OR5AU1: variants seen among roughly 807,000 people sequenced by gnomAD.
OR5AU1 encodes the protein olfactory receptor family 5 subfamily AU member 1.
For missense variants in OR5AU1, 415 were observed against 374.2 expected (o/e 1.11, Z -0.90); for synonymous variants, 169 against 152.0 (o/e 1.11, Z -0.82).
Position 21,156,006 on chromosome 14 carries a change from T to A in OR5AU1, c.-134A>T, listed in dbSNP as rs542965276. 8.7e-6 allele frequency: 14 copies of A among 1,613,688 alleles called. No individual in the cohort carries two copies. In the South Asian group the frequency reaches 1.3e-4, roughly 15 times the overall value. On this transcript the variant is annotated 5_prime_UTR_variant, in exon 1 of 1. Coordinates refer to ENST00000304418, the MANE Select transcript of OR5AU1 (RefSeq NM_001004731.3). The stretch of plus-strand genomic sequence containing the variant: ...GAGTCTTATTGAGGGCATTTGGCTT[T>A]GCAGATGAAACTCTGTCATAGAGAG...
At position 21,155,627 on chromosome 14, in the gene OR5AU1, C is replaced by T; in HGVS notation, c.246G>A (p.Leu82=). Residue 82 remains leucine (L), a synonymous_variant, in exon 1 of 1, where the codon CTG becomes CTA. Coordinates refer to ENST00000304418, the MANE Select transcript of OR5AU1 (RefSeq NM_001004731.3). ...CYSSTVVPQT[L]VNFLAKRKVI... ...CTTTCCTCTTGGCCAAGAAGTTCAC[C>T]AGGGTCTGGGGCACAACCGTGGAGG... The T allele has an allele frequency of 6.2e-6, 10 of 1,614,166 alleles. No homozygotes were observed. Among genetic ancestry groups the T allele is most frequent in the Non-Finnish European group, 8.5e-6 (10 of 1,180,030 alleles).
rs1304022269 is a variant in OR5AU1, at chr14:21,155,442, A to G, written c.431T>C (p.Leu144Pro). ...TCCTGCACTGTAGGAGCCCACAATC[A>G]GCGAGGCACAGACCTCAGGAGACAT... ...TIMSPEVCAS[L>P]IVGSYSAGFL... is the part of the protein sequence containing the mutation. The change falls in exon 1 of 1, where the codon CTG (leucine) becomes CCG (proline). Residue 144 changes from leucine (L) to proline (P), a missense_variant. By Grantham distance (98) the Leu-to-Pro change is moderately conservative. Coordinates refer to ENST00000304418, the MANE Select transcript of OR5AU1 (RefSeq NM_001004731.3). 1 of 1,614,174 alleles carries G rather than the reference A, an allele frequency of 6.2e-7. No homozygotes were observed. Among genetic ancestry groups the G allele is most frequent in the South Asian group, 1.1e-5 (1 of 91,080 alleles).
At position 21,155,304 on chromosome 14, in the gene OR5AU1, A is replaced by G; in HGVS notation, c.569T>C (p.Val190Ala). 1 of 1,614,106 alleles carries G rather than the reference A, an allele frequency of 6.2e-7. No homozygotes were observed. Residue 190 changes from valine (V) to alanine (A), a missense_variant, in exon 1 of 1, where the codon GTA becomes GCA. Physicochemically the swap from Val to Ala is moderately conservative, Grantham distance 64 (BLOSUM62 0). Coordinates refer to ENST00000304418, the MANE Select transcript of OR5AU1 (RefSeq NM_001004731.3). Reference protein sequence around the residue: ...DGPPILSLSCVDTSLCEILLF... With the variant: ...DGPPILSLSCADTSLCEILLF... ...CAGGATCTCACACAGTGAGGTGTCT[A>G]CACAAGACAAGGACAGGATGGGTGG...
rs778130645 is a variant in OR5AU1 at position 21,155,661 on chromosome 14, A to C, written c.212T>G (p.Phe71Cys). ...SLLKSLSFLD[F>C]CYSSTVVPQT... ...GGGCACAACCGTGGAGGAGTAGCAG[A>C]AATCCAAGAAGGAGAGGCTCTTCAG... Residue 71 changes from phenylalanine (F) to cysteine (C), a missense_variant, in exon 1 of 1, where the codon TTC becomes TGC. Transcript: ENST00000304418. 13 of 1,614,186 alleles carry C rather than the reference A, an allele frequency of 8.1e-6. No homozygotes were observed. In the South Asian group the frequency reaches 1.4e-4, roughly 18 times the overall value.
rs1890567771 is a variant in OR5AU1 at position 21,155,752 on chromosome 14, C to G, written c.121G>C (p.Gly41Arg). Residue 41 changes from glycine to arginine, a missense_variant, in exon 1 of 1, where the codon GGG (glycine) becomes CGG (arginine). By Grantham distance (125) the Gly-to-Arg change is moderately radical. Transcript: ENST00000304418. Reference sequence around the variant, plus strand: ...ATCAGGAGGAACATGACCAGGTTCCCCAGCAGAGTGGCTGTGTACATGCCC... The same window carrying G: ...ATCAGGAGGAACATGACCAGGTTCCGCAGCAGAGTGGCTGTGTACATGCCC... The part of the protein sequence containing the change: ...FLGMYTATLL[G>R]NLVMFLLIHV... 1.2e-6 allele frequency: 2 copies of G among 1,613,912 alleles called. No homozygotes were observed. Among genetic ancestry groups the G allele is most frequent in the African/African-American group, 1.3e-5 (1 of 74,860 alleles).
rs7161544 is a variant in OR5AU1 at position 21,155,489 on chromosome 14, G to A, written c.384C>T (p.Asn128=). Residue 128 remains asparagine (N), a synonymous_variant, in exon 1 of 1, where the codon AAC becomes AAT. Coordinates refer to ENST00000304418, the MANE Select transcript of OR5AU1 (RefSeq NM_001004731.3). The part of the protein sequence containing the change: ...MAYDRYAAIC[N]PLLYSTIMSP... ...ACATGATGGTTGAGTAGAGCAGGGG[G>A]TTACAAATAGCGGCATAGCGGTCAT... 866,439 of 1,613,502 alleles carry A rather than the reference G, an allele frequency of 0.54. 242,705 individuals carry two copies. The highest frequency in any genetic ancestry group is 0.59 in the Non-Finnish European group (690,355 of 1,179,644).
Position 21,155,793 on chromosome 14 carries a change from A to G in OR5AU1, c.80T>C (p.Leu27Pro). The G allele has an allele frequency of 6.2e-7, 1 of 1,614,134 alleles. No homozygotes were observed. Among genetic ancestry groups the G allele is most frequent in the Admixed American group, 1.7e-5 (1 of 60,006 alleles). Residue 27 changes from leucine (L) to proline (P), a missense_variant, in exon 1 of 1, where the codon CTC becomes CCC. Leu to Pro is a moderately conservative substitution (Grantham distance 98). Transcript: ENST00000304418. ...LTTDPQLQRL[L>P]FVVFLGMYTA... ...GTACATGCCCAGGAACACCACGAAG[A>G]GCAGCCTCTGGAGCTGGGGGTCAGT...
In OR5AU1 at chr14:21,155,953, T is replaced by C. The variant is rs147125324; in HGVS notation, c.-81A>G. On this transcript the variant is annotated 5_prime_UTR_variant, in exon 1 of 1. Transcript: ENST00000304418. ...CACCTGGGGCTCTGACTGGGTTTAA[T>C]TCTGCCTAAGGACAGCCTTCTGAAG... 6.0e-4 allele frequency: 967 copies of C among 1,614,178 alleles called. 1 individual carries two copies. Among genetic ancestry groups the C allele is most frequent in the Non-Finnish European group, 7.5e-4 (884 of 1,179,996 alleles).
At position 21,155,016 on chromosome 14, in the gene OR5AU1, T is replaced by C; in HGVS notation, c.857A>G (p.Asn286Ser). ...GTTTCTCAAAGAGTACATGAGGGGG[T>C]TCAGCACTGGGATCACCACTGTGTA... ...VIYTVVIPVL[N>S]PLMYSLRNKD... Residue 286 changes from asparagine (N) to serine (S), a missense_variant, in exon 1 of 1, where the codon AAC becomes AGC. Asn to Ser is a conservative substitution (Grantham distance 46). Coordinates refer to ENST00000304418, the MANE Select transcript of OR5AU1 (RefSeq NM_001004731.3). 1 of 1,614,006 alleles carries C rather than the reference T, an allele frequency of 6.2e-7. No individual in the cohort carries two copies. Among genetic ancestry groups the C allele is most frequent in the Non-Finnish European group, 8.5e-7 (1 of 1,179,962 alleles).
In OR5AU1 at chr14:21,155,971, T is replaced by G. The variant is rs763447690; in HGVS notation, c.-99A>C. The G allele has an allele frequency of 6.2e-7, 1 of 1,613,986 alleles. No individual in the cohort carries two copies. Among genetic ancestry groups the G allele is most frequent in the South Asian group, 1.1e-5 (1 of 91,092 alleles). Reference sequence around the variant, plus strand: ...GGTTTAATTCTGCCTAAGGACAGCCTTCTGAAGATGAGTCTTATTGAGGGC... The same window carrying G: ...GGTTTAATTCTGCCTAAGGACAGCCGTCTGAAGATGAGTCTTATTGAGGGC... On this transcript the variant is annotated 5_prime_UTR_variant, in exon 1 of 1. Transcript: ENST00000304418.
chr14:21,155,258 G>C lies in OR5AU1; in HGVS notation c.615C>G (p.Phe205Leu). Reference protein sequence around the residue: ...CEILLFIFAGFNLLSCTLTIL... With the variant: ...CEILLFIFAGLNLLSCTLTIL... ...TGGTGAGGGTGCAGCTCAAAAGGTT[G>C]AAACCAGCAAAAATGAAGAGCAGGA... is the stretch of plus-strand genomic sequence containing the variant. The change falls in exon 1 of 1, where the codon TTC becomes TTG. Residue 205 changes from phenylalanine (F) to leucine (L), a missense_variant. By Grantham distance (22) the Phe-to-Leu change is conservative (BLOSUM62 0). Coordinates refer to ENST00000304418, the MANE Select transcript of OR5AU1 (RefSeq NM_001004731.3). 6.2e-7 allele frequency: 1 copy of C among 1,614,092 alleles called. No homozygotes were observed. The highest frequency in any genetic ancestry group is 1.3e-5 in the African/African-American group (1 of 75,032).
In OR5AU1 at chr14:21,155,522, G is replaced by A. The variant is rs781500547; in HGVS notation, c.351C>T (p.Ala117=). The A allele has an allele frequency of 2.5e-6, 4 of 1,614,074 alleles. No individual in the cohort carries two copies. The African/African-American group carries it at 4.0e-5, about 16-fold the overall frequency. ...TAGCGGCATAGCGGTCATAGGCCAT[G>A]GCAGCGATGAGATAGCACTCACTGG... ...FATSECYLIA[A]MAYDRYAAIC... is the part of the protein sequence containing the mutation. The change falls in exon 1 of 1, where the codon GCC becomes GCT. Residue 117 remains alanine, a synonymous_variant. Transcript: ENST00000304418.
chr14:21,155,739 A>G lies in OR5AU1; in HGVS notation c.134T>C (p.Met45Thr), dbSNP rs771157723. 1 of 1,614,122 alleles carries G rather than the reference A, an allele frequency of 6.2e-7. No individual in the cohort carries two copies. The highest frequency in any genetic ancestry group is 8.5e-7 in the Non-Finnish European group (1 of 1,179,982). ...YTATLLGNLVMFLLIHVSATL... is the reference protein window; with the variant it reads ...YTATLLGNLVTFLLIHVSATL... ...GGCACTCACATGGATCAGGAGGAAC[A>G]TGACCAGGTTCCCCAGCAGAGTGGC... The change falls in exon 1 of 1, where the codon ATG (methionine) becomes ACG (threonine). Residue 45 changes from methionine to threonine, a missense_variant. Physicochemically the swap from Met to Thr is moderately conservative, Grantham distance 81. Transcript: ENST00000304418.
At position 21,154,986 on chromosome 14, in the gene OR5AU1, T is replaced by A; in HGVS notation, c.887A>T (p.Asp296Val). 1.2e-6 allele frequency: 2 copies of A among 1,613,370 alleles called. No homozygotes were observed. Among genetic ancestry groups the A allele is most frequent in the Non-Finnish European group, 1.7e-6 (2 of 1,179,388 alleles). Reference sequence around the variant, plus strand: ...AACCTTTATTAAAGCTTTCTTCACATCCTTGTTTCTCAAAGAGTACATGAG... The same window carrying A: ...AACCTTTATTAAAGCTTTCTTCACAACCTTGTTTCTCAAAGAGTACATGAG... ...NPLMYSLRNK[D>V]VKKALIKVWG... Residue 296 changes from aspartate to valine, a missense_variant, in exon 1 of 1, where the codon GAT becomes GTT. By Grantham distance (152) the Asp-to-Val change is radical. Transcript: ENST00000304418.
In OR5AU1 at chr14:21,155,557, C is replaced by T; in HGVS notation, c.316G>A (p.Gly106Ser). The T allele has an allele frequency of 6.2e-7, 1 of 1,614,150 alleles. No homozygotes were observed. Among genetic ancestry groups the T allele is most frequent in the South Asian group, 1.1e-5 (1 of 91,084 alleles). The change falls in exon 1 of 1, where the codon GGT (glycine) becomes AGT (serine). Residue 106 changes from glycine (G) to serine (S), a missense_variant. Gly to Ser is a moderately conservative substitution (Grantham distance 56). Transcript: ENST00000304418. The part of the protein sequence containing the change: ...GCMTQMFFYA[G>S]FATSECYLIA... ...AGATAGCACTCACTGGTGGCAAAACCCGCATAGAAGAACATCTGAGTCATG... is the reference window on the plus strand; with the variant it reads ...AGATAGCACTCACTGGTGGCAAAACTCGCATAGAAGAACATCTGAGTCATG...
At position 21,155,582 on chromosome 14, in the gene OR5AU1, G is replaced by A; in HGVS notation, c.291C>T (p.Cys97=). The change falls in exon 1 of 1, where the codon TGC becomes TGT. Residue 97 remains cysteine, a synonymous_variant. Transcript: ENST00000304418. ...CCGCATAGAAGAACATCTGAGTCAT[G>A]CAGCCAAAATAAGAGATCACTTTCC... ...AKRKVISYFG[C]MTQMFFYAGF... is the part of the protein sequence containing the mutation. 1 of 1,614,198 alleles carries A rather than the reference G, an allele frequency of 6.2e-7. No homozygotes were observed. Among genetic ancestry groups the A allele is most frequent in the Non-Finnish European group, 8.5e-7 (1 of 1,180,024 alleles).
chr14:21,154,996 T>C lies in OR5AU1; in HGVS notation c.877A>G (p.Arg293Gly). ...PVLNPLMYSL[R>G]NKDVKKALIK... is the part of the protein sequence containing the mutation. ...AAAGCTTTCTTCACATCCTTGTTTC[T>C]CAAAGAGTACATGAGGGGGTTCAGC... is the stretch of plus-strand genomic sequence containing the variant. The change falls in exon 1 of 1, where the codon AGA becomes GGA. Residue 293 changes from arginine (R) to glycine (G), a missense_variant. By Grantham distance (125) the Arg-to-Gly change is moderately radical (BLOSUM62 -2). Coordinates refer to ENST00000304418, the MANE Select transcript of OR5AU1 (RefSeq NM_001004731.3). The C allele has an allele frequency of 6.2e-7, 1 of 1,613,734 alleles. No individual in the cohort carries two copies. Among genetic ancestry groups the C allele is most frequent in the Non-Finnish European group, 8.5e-7 (1 of 1,179,620 alleles).
Position 21,154,987 on chromosome 14 carries a change from C to A in OR5AU1, c.886G>T (p.Asp296Tyr), listed in dbSNP as rs1471254384. 12 of 1,613,242 alleles carry A rather than the reference C, an allele frequency of 7.4e-6. No individual in the cohort carries two copies. The South Asian group carries it at 1.3e-4, about 18-fold the overall frequency. Residue 296 changes from aspartate to tyrosine, a missense_variant, in exon 1 of 1, where the codon GAT becomes TAT. Transcript: ENST00000304418. The part of the protein sequence containing the change: ...NPLMYSLRNK[D>Y]VKKALIKVWG... Reference sequence around the variant, plus strand: ...ACCTTTATTAAAGCTTTCTTCACATCCTTGTTTCTCAAAGAGTACATGAGG... The same window carrying A: ...ACCTTTATTAAAGCTTTCTTCACATACTTGTTTCTCAAAGAGTACATGAGG...
rs1890565428 is a variant in OR5AU1 at position 21,155,658 on chromosome 14, C to T, written c.215G>A (p.Cys72Tyr). 5 of 1,614,000 alleles carry T rather than the reference C, an allele frequency of 3.1e-6. No individual in the cohort carries two copies. Among genetic ancestry groups the T allele is most frequent in the Non-Finnish European group, 4.2e-6 (5 of 1,180,030 alleles). The change falls in exon 1 of 1, where the codon TGC becomes TAC. Residue 72 changes from cysteine to tyrosine, a missense_variant. Cys to Tyr is a radical substitution (Grantham distance 194). Coordinates refer to ENST00000304418, the MANE Select transcript of OR5AU1 (RefSeq NM_001004731.3). Reference protein sequence around the residue: ...LLKSLSFLDFCYSSTVVPQTL... With the variant: ...LLKSLSFLDFYYSSTVVPQTL... ...CTGGGGCACAACCGTGGAGGAGTAG[C>T]AGAAATCCAAGAAGGAGAGGCTCTT...
Sources: gnomAD v4.1 joint callset for allele counts on GRCh38, gnomAD v4.1.1 for gene constraint, MANE v1.5 for transcripts, NCBI Gene and HGNC (gene_info 2026-07-23, HGNC 2026-07-21) for gene names.